SMG9: variants seen among roughly 807,000 people sequenced by gnomAD.
SMG9 encodes the protein SMG9 nonsense mediated mRNA decay factor.
SMG9 carries 55 observed loss-of-function variants against 64.0 expected under a neutral mutation model. The observed-to-expected ratio is 0.86, with a 90% CI of 0.69 to 1.08. The LOEUF (loss-of-function observed/expected upper bound fraction) is 1.08. Among genes scored for constraint, SMG9 ranks in the 50% least tolerant of loss-of-function variants. The probability of loss-of-function intolerance (pLI) is 0.00; values close to 1 mark genes in which losing one functional copy is unlikely to be tolerated. For missense variants in SMG9, 554 were observed against 681.3 expected, an observed-to-expected ratio of 0.81 and a Z score of 2.08; for synonymous variants, 244 against 254.8, an observed-to-expected ratio of 0.96 and a Z score of 0.41.
chr19:43,739,721 T>A, intron 7 of SMG9: 1 of 204,852 alleles, frequency 4.9e-6, no homozygotes, highest in East Asian at 1.3e-4. Flanking sequence ...TTCCACTGAA[T>A]CCTTGAAACT....
In SMG9 at chr19:43,740,093, G is replaced by C; in HGVS notation, c.813+14C>G. ...GATGTGGCAGGGTGGGGCAAAGGCA[G>C]GCGGGGCTGGCACCTGTGTGTCCAG... On this transcript the variant is annotated intron_variant, in intron 7 of 13. Transcript: ENST00000270066. 5.7e-6 allele frequency: 9 copies of C among 1,573,482 alleles called. No homozygotes were observed. Among genetic ancestry groups the C allele is most frequent in the Non-Finnish European group, 7.9e-6 (9 of 1,142,950 alleles).
chr19:43,745,761 G>C (rs1968980595), intron 5 of SMG9, among the ~76,000 whole-genome samples: 1 of 152,134 alleles, frequency 6.6e-6, no homozygotes, highest in South Asian at 2.1e-4. Context: ...CAGCACTTTG[G>C]GAGGCCGAGG....
intron 6 of SMG9, among the ~76,000 whole-genome samples, chr19:43,743,867 G>GAGGCC (rs766795651): frequency 1.4e-4 from 22 of 152,150 alleles, no homozygotes; most frequent in Admixed American, 2.0e-4. Context: ...CTCATCCATG[G>GAGGCC]AGGCCAGGGT....
At chr19:43,731,796 G>A (rs2146354773) in intron 13 of SMG9, 122 bp from the exon 14 acceptor site, 1 of 1,200,598 alleles carries the variant, frequency 8.3e-7, no homozygotes, top group East Asian at 2.5e-5. Flanking sequence ...TGAGCCTCTT[G>A]GAACCCAATC....
intron 1 of SMG9, among the ~76,000 whole-genome samples, chr19:43,753,941 C>A (rs993560310): frequency 6.6e-6 from 1 of 151,654 alleles, no homozygotes; most frequent in Admixed American, 6.6e-5. Flanking sequence ...AAACCCCACC[C>A]ACATGCAAGC....
chr19:43,747,055 T>C (rs1969035151), intron 5 of SMG9, among the ~76,000 whole-genome samples: 1 of 151,984 alleles, frequency 6.6e-6, no homozygotes, highest in South Asian at 2.1e-4. Context: ...TGGGCTTAGG[T>C]GATTCTCCTA....
chr19:43,736,133 C>A (rs1016854566), intron 9 of SMG9, among the ~76,000 whole-genome samples: 1 of 152,194 alleles, frequency 6.6e-6, no homozygotes, highest in Non-Finnish European at 1.5e-5. Flanking sequence ...TCATCCCTGT[C>A]CCCAGGGTTA....
rs539341775 is a variant in SMG9, at chr19:43,731,300, G to T, written c.*296C>A. On this transcript the variant is annotated 3_prime_UTR_variant, in exon 14 of 14. Transcript: ENST00000270066. ...GAAAAAGGAGGTCAAGATGGAGCCCGGGCTTCCTGGTGACCATTCAGACTC... is the reference window on the plus strand; with the variant it reads ...GAAAAAGGAGGTCAAGATGGAGCCCTGGCTTCCTGGTGACCATTCAGACTC... The T allele has an allele frequency of 1.7e-6, 2 of 1,185,686 alleles. No individual in the cohort carries two copies. The highest frequency in any genetic ancestry group is 1.6e-5 in the African/African-American group (1 of 63,216). 73.4% of individuals were successfully genotyped at this position (1,185,686 alleles called of 1,614,324 possible).
intron 2 of SMG9, among the ~76,000 whole-genome samples, chr19:43,748,386 G>A (rs567193913): frequency 2.0e-5 from 3 of 152,220 alleles, no homozygotes; most frequent in Non-Finnish European, 2.9e-5. Flanking sequence ...ATCCCGCCTC[G>A]TGTTGGCTGT....
In SMG9 at chr19:43,729,295, C is replaced by T. The variant is rs1466415111; in HGVS notation, c.*2301G>A. On this transcript the variant is annotated 3_prime_UTR_variant, in exon 14 of 14. Coordinates refer to ENST00000270066, the MANE Select transcript of SMG9 (RefSeq NM_019108.4). ...GGCATCCTGGTCACCTGCAGCACCT[C>T]CTTCACCACCATCTACCGGATGCTT... 1 of 152,278 alleles carries T rather than the reference C, an allele frequency of 6.6e-6. No homozygotes were observed. Among genetic ancestry groups the T allele is most frequent in the East Asian group, 1.9e-4 (1 of 5,200 alleles). The allele number at this position is 152,278 out of a possible 1,614,324, so 9.4% of individuals were successfully genotyped here.
At chr19:43,739,041 C>CA (rs1491459944) in intron 7 of SMG9, among the ~76,000 whole-genome samples, 2 of 152,250 alleles carry the variant, frequency 1.3e-5, no homozygotes, top group South Asian at 4.1e-4. Context: ...CTCTCACCCC[C>CA]AGAGCCAGGG....
rs1427183255 is a variant in SMG9, at chr19:43,729,213, G to A, written c.*2383C>T. 1 of 166,548 alleles carries A rather than the reference G, an allele frequency of 6.0e-6. No individual in the cohort carries two copies. The highest frequency in any genetic ancestry group is 6.5e-5 in the Admixed American group (1 of 15,284). 10.3% of individuals were successfully genotyped at this position (166,548 alleles called of 1,614,324 possible). On this transcript the variant is annotated 3_prime_UTR_variant, in exon 14 of 14. Transcript: ENST00000270066. The stretch of plus-strand genomic sequence containing the variant: ...GGACCAAGGTCACCAGATCACCACG[G>A]TGGTGGTGGTGGAAACGCTAGGCCG...
At chr19:43,751,323 G>C (rs1568383419) in intron 1 of SMG9, among the ~76,000 whole-genome samples, 1 of 151,732 alleles carries the variant, frequency 6.6e-6, no homozygotes, top group African/African-American at 2.4e-5. Context: ...TTTTAGTAGA[G>C]ATGGGGTTTC....
chr19:43,739,923 G>A, intron 7 of SMG9, 184 bp downstream of exon 7: 1 of 602,956 alleles, frequency 1.7e-6, no homozygotes, highest in Non-Finnish European at 3.0e-6. Context: ...CGAATGAGAT[G>A]GGGGCAAAAG....
intron 1 of SMG9, among the ~76,000 whole-genome samples, chr19:43,753,193 G>T (rs1202207089): frequency 6.6e-6 from 1 of 152,202 alleles, no homozygotes; most frequent in East Asian, 1.9e-4. Flanking sequence ...GGAGGACAAG[G>T]GCCTGTTTAC....
intron 6 of SMG9, among the ~76,000 whole-genome samples, chr19:43,742,159 T>A (rs538977299): frequency 6.6e-6 from 1 of 151,384 alleles, no homozygotes; most frequent in South Asian, 2.1e-4. Context: ...AAATAAAAAA[T>A]AAATAAATTA....
intron 5 of SMG9, 33 bp downstream of exon 5, chr19:43,747,409 C>T (rs778318016): frequency 1.3e-5 from 21 of 1,599,552 alleles, no homozygotes; most frequent in Non-Finnish European, 1.7e-5. Flanking sequence ...GCAGGATGTG[C>T]GGAAGCTCAG....
chr19:43,733,505 T>G (rs1968553442), intron 11 of SMG9, 53 bp from the exon 12 acceptor site: 2 of 1,609,838 alleles, frequency 1.2e-6, no homozygotes, highest in African/African-American at 2.7e-5. Flanking sequence ...GTTTGGGGAG[T>G]GGGAATTGTT....
At position 43,740,237 on chromosome 19, in the gene SMG9, AG is replaced by A; in HGVS notation, c.702-20del. 1 of 1,569,646 alleles carries A rather than the reference AG, an allele frequency of 6.4e-7. No individual in the cohort carries two copies. Among genetic ancestry groups the A allele is most frequent in the Non-Finnish European group, 8.8e-7 (1 of 1,139,794 alleles). On this transcript the variant is annotated intron_variant, in intron 6 of 13. Coordinates refer to ENST00000270066, the MANE Select transcript of SMG9 (RefSeq NM_019108.4). ...ATAAGTCCTGTGGAGAGGAGCAGGCAGGGGTGTGTGAGAGCTCTGGTTCTCA... is the reference window on the plus strand; with the variant it reads ...ATAAGTCCTGTGGAGAGGAGCAGGCAGGGTGTGTGAGAGCTCTGGTTCTCA...
Sources: allele counts gnomAD v4.1 joint callset (sites outside exome capture counted in the v4.1 genomes callset), GRCh38; gene constraint gnomAD v4.1.1; transcripts MANE v1.5; gene names NCBI Gene and HGNC (gene_info 2026-07-23, HGNC 2026-07-21).